TMEM255B: variants seen among roughly 807,000 people sequenced by gnomAD.
TMEM255B encodes transmembrane protein 255B.
In TMEM255B, 35 loss-of-function variants were observed where a neutral mutation model predicts 34.5. The ratio of observed to expected loss-of-function variants is 1.01; its 90% CI spans 0.77 to 1.34. The LOEUF is 1.34. Ranked by LOEUF, TMEM255B falls within the 40% of genes most tolerant of loss-of-function variation. The pLI, the probability that TMEM255B is intolerant of heterozygous loss-of-function variation, is 0.00. For synonymous variants in TMEM255B, 206 were observed against 201.2 expected (o/e 1.02, Z -0.20); for missense variants, 432 against 433.2 (o/e 1.00, Z 0.02).
chr13:113,774,081 C>T (rs2050518907), intron 3 of TMEM255B, among the ~76,000 whole-genome samples: 1 of 151,910 alleles, frequency 6.6e-6, no homozygotes, highest in African/African-American at 2.4e-5. Context: ...ATGAACCCTC[C>T]TTGCCCCCCA....
intron 1 of TMEM255B, chr13:113,761,217 G>A (rs1381689859): frequency 7.1e-6 from 7 of 985,234 alleles, no homozygotes; most frequent in South Asian, 9.4e-5. Flanking sequence ...CAGGAAGGCC[G>A]GATCTTAGAA....
chr13:113,760,357 A>G (rs549614387), intron 1 of TMEM255B, among the ~76,000 whole-genome samples: 1 of 150,282 alleles, frequency 6.7e-6, no homozygotes, highest in Non-Finnish European at 1.5e-5. Context: ...AATGATAACT[A>G]TTATTATTAT....
Position 113,814,033 on chromosome 13 carries a change from GC to G in TMEM255B, c.*2132del, listed in dbSNP as rs2051376733. On this transcript the variant is annotated 3_prime_UTR_variant, in exon 9 of 9. Transcript: ENST00000375353. ...AGCGCCTGTGGGGGAAGAAAAGTGT[GC>G]CACGGATTTCCCGAGTCCCCAGGGC... 6.6e-6 allele frequency: 1 copy of G among 152,178 alleles called. No individual in the cohort carries two copies. The highest frequency in any genetic ancestry group is 2.4e-5 in the African/African-American group (1 of 41,444). 9.4% of individuals were successfully genotyped at this position (152,178 alleles called of 1,614,324 possible).
chr13:113,771,692 A>G (rs1377784952), intron 3 of TMEM255B, among the ~76,000 whole-genome samples: 2 of 152,044 alleles, frequency 1.3e-5, no homozygotes, highest in Admixed American at 6.6e-5. Flanking sequence ...TAATAATAAT[A>G]ACAATGATAA....
At chr13:113,780,795 A>T (rs2050655280) in intron 3 of TMEM255B, among the ~76,000 whole-genome samples, 1 of 152,252 alleles carries the variant, frequency 6.6e-6, no homozygotes, top group African/African-American at 2.4e-5. Flanking sequence ...TTGCCTATGG[A>T]TGACAAAATG....
chr13:113,761,516 A>C (rs1324931165), intron 1 of TMEM255B, among the ~76,000 whole-genome samples: 1 of 152,104 alleles, frequency 6.6e-6, no homozygotes, highest in Non-Finnish European at 1.5e-5. Flanking sequence ...GGAAGACTAG[A>C]ATTAGAAAAA....
chr13:113,793,674 C>G (rs2050870672), intron 3 of TMEM255B, among the ~76,000 whole-genome samples: 1 of 152,250 alleles, frequency 6.6e-6, no homozygotes, highest in Admixed American at 6.5e-5. Flanking sequence ...CAGGAAGCCC[C>G]CAGTTGACAG....
rs1217433805 is a variant in TMEM255B, at chr13:113,816,380, G to A, written c.*4477G>A. 1 of 160,720 alleles carries A rather than the reference G, an allele frequency of 6.2e-6. No individual in the cohort carries two copies. The highest frequency in any genetic ancestry group is 1.4e-5 in the Non-Finnish European group (1 of 72,674). The allele number at this position is 160,720 out of a possible 1,614,324, so 10.0% of individuals were successfully genotyped here. A position where few individuals can be genotyped will look rare whatever the true frequency, so the allele number is the denominator to read the frequency against. On this transcript the variant is annotated 3_prime_UTR_variant, in exon 9 of 9. Coordinates refer to ENST00000375353, the MANE Select transcript of TMEM255B (RefSeq NM_182614.4). ...GCAGTGATGGGTGGACGGCCCCGTG[G>A]ATGGACTGACCACCGACCCATGCTC...
chr13:113,793,235 G>GTCCCT (rs2050861331), intron 3 of TMEM255B, among the ~76,000 whole-genome samples: 1 of 152,250 alleles, frequency 6.6e-6, no homozygotes, highest in East Asian at 1.9e-4. Flanking sequence ...GCCACTGGGA[G>GTCCCT]ACAGAGCTCA....
At chr13:113,785,472 C>T (rs532844019) in intron 3 of TMEM255B, among the ~76,000 whole-genome samples, 2 of 152,370 alleles carry the variant, frequency 1.3e-5, no homozygotes, top group African/African-American at 4.8e-5. Context: ...GCTCCTCGTC[C>T]TACCTCTCTT....
chr13:113,766,596 A>G (rs568110864), intron 2 of TMEM255B: 114 of 377,604 alleles, frequency 3.0e-4, no homozygotes, highest in Admixed American at 4.9e-4. Flanking sequence ...GAAATGTCCA[A>G]GGTGGAGGAG....
chr13:113,795,512 C>G (rs1311898276), intron 4 of TMEM255B, among the ~76,000 whole-genome samples: 5 of 146,780 alleles, frequency 3.4e-5, no homozygotes, highest in African/African-American at 1.3e-4. Context: ...ACAGAGCACA[C>G]AGCACACAAC....
In TMEM255B at chr13:113,806,071, A is replaced by G. The variant is rs2051165235; in HGVS notation, c.813+1043A>G. ...AGGTCTTCAGATATTCCACAAGAGG[A>G]CCCTCTCCCGACACATGACGTTGTC... On this transcript the variant is annotated intron_variant, in intron 8 of 8. Coordinates refer to ENST00000375353, the MANE Select transcript of TMEM255B (RefSeq NM_182614.4). This position sits in a 1 kb window ranked among gnomAD's most constrained non-coding sequence, Gnocchi z 4.2. Among the ~76,000 whole-genome samples the G allele has an allele frequency of 6.6e-6, 1 of 151,850 alleles. No individual in the cohort carries two copies. Among genetic ancestry groups the G allele is most frequent in the African/African-American group, 2.4e-5 (1 of 41,296 alleles).
chr13:113,805,546 C>T (rs9577884), intron 8 of TMEM255B, among the ~76,000 whole-genome samples: 12,186 of 152,272 alleles, frequency 0.08, 523 homozygotes, highest in Admixed American at 0.13. Flanking sequence ...GTCCGATTTC[C>T]ACTCCTGGGC....
intron 3 of TMEM255B, among the ~76,000 whole-genome samples, chr13:113,774,620 C>CACCACATATACCACACAATACAT (rs1410193834): frequency 1.3e-5 from 2 of 148,994 alleles, no homozygotes; most frequent in South Asian, 4.3e-4. Context: ...ACACAATACA[C>CACCACATATACCACACAATACAT]ACCACATATA....
At chr13:113,785,553 A>C (rs2050728090) in intron 3 of TMEM255B, among the ~76,000 whole-genome samples, 1 of 152,254 alleles carries the variant, frequency 6.6e-6, no homozygotes, top group South Asian at 2.1e-4. Flanking sequence ...GACCCACCGG[A>C]GGAGAGAGGC....
chr13:113,782,244 A>C (rs1287171373), intron 3 of TMEM255B, among the ~76,000 whole-genome samples: 1 of 152,204 alleles, frequency 6.6e-6, no homozygotes, highest in Non-Finnish European at 1.5e-5. Flanking sequence ...TGAATTAGAC[A>C]CAAATTATTT....
rs555525464 is a variant in TMEM255B at position 113,770,388 on chromosome 13, T to C, written c.252+1228T>C. 2.0e-5 allele frequency among the ~76,000 whole-genome samples: 3 copies of C among 152,246 alleles called. No homozygotes were observed. The highest frequency in any genetic ancestry group is 4.2e-4 in the South Asian group (2 of 4,816). ...ACACATGAGGATCCAAGATGAGATTTGGGTGAGGACACAGCCAAACCATAT... is the reference window on the plus strand; with the variant it reads ...ACACATGAGGATCCAAGATGAGATTCGGGTGAGGACACAGCCAAACCATAT... On this transcript the variant is annotated intron_variant, in intron 3 of 8. Transcript: ENST00000375353. The surrounding 1 kb of genome is among the most constrained non-coding windows in gnomAD (Gnocchi z 4.6).
chr13:113,801,840 G>A, intron 7 of TMEM255B, 28 bp downstream of exon 7: 2 of 1,555,918 alleles, frequency 1.3e-6, no homozygotes, highest in South Asian at 1.2e-5. Flanking sequence ...GACCCCCGCT[G>A]CTCACTGGGA....
Sources: allele counts gnomAD v4.1 joint callset (sites outside exome capture counted in the v4.1 genomes callset), GRCh38; gene constraint gnomAD v4.1.1; non-coding constraint Gnocchi (gnomAD v3.1); transcripts MANE v1.5; gene names NCBI Gene and HGNC (gene_info 2026-07-23, HGNC 2026-07-21).